The following PKD1L3 variants were observed in gnomAD, a reference collection of about 807,000 sequenced individuals.
The protein encoded by PKD1L3 is polycystin 1 like 3, transient receptor potential channel interacting.
PKD1L3 carries 239 observed loss-of-function variants against 184.1 expected under a neutral mutation model. That is an observed-to-expected ratio of 1.30 (90% CI 1.17 to 1.45). PKD1L3 has a LOEUF of 1.45. Ranked by LOEUF, PKD1L3 falls within the 40% of genes most tolerant of loss-of-function variation. The probability of loss-of-function intolerance (pLI) is 0.00; values close to 1 mark genes in which losing one functional copy is unlikely to be tolerated. For missense variants in PKD1L3, 2,660 were observed against 2,067.2 expected (o/e 1.29, Z -5.56); for synonymous variants, 996 against 778.8 (o/e 1.28, Z -4.64).
chr16:71,963,123 C>T (rs2039345270), intron 16 of PKD1L3, 82 bp downstream of exon 16: 4 of 1,318,132 alleles, frequency 3.0e-6, no homozygotes, highest in South Asian at 1.7e-5. Flanking sequence ...TGTTAATTTG[C>T]ATTAAAAACA....
At position 71,963,363 on chromosome 16, in the gene PKD1L3, T is replaced by C. The variant is rs899194839; in HGVS notation, c.2466-12A>G. ...CCTGGCTGACATACCTATAGTAAAA[T>C]GAAGATAACCACATTAGGGAGATGG... On this transcript the variant is annotated splice_polypyrimidine_tract_variant and intron_variant, in intron 15 of 29. Coordinates refer to ENST00000620267, the MANE Select transcript of PKD1L3 (RefSeq NM_181536.2). 8.4e-6 allele frequency: 13 copies of C among 1,542,846 alleles called. No individual in the cohort carries two copies. The highest frequency in any genetic ancestry group is 1.1e-5 in the Non-Finnish European group (12 of 1,142,232).
chr16:71,953,590 G>A (rs968448248), intron 17 of PKD1L3, among the ~76,000 whole-genome samples: 13 of 152,214 alleles, frequency 8.5e-5, no homozygotes, highest in South Asian at 4.1e-4. Context: ...CAGGGGAACT[G>A]CCACACACTT....
chr16:71,992,534 A>G (rs556843843), intron 3 of PKD1L3, among the ~76,000 whole-genome samples: 2 of 152,346 alleles, frequency 1.3e-5, no homozygotes, highest in African/African-American at 4.8e-5. Flanking sequence ...CAGTTTTCCA[A>G]AATATGTCAT....
chr16:71,987,888 C>T (rs1027121025), intron 4 of PKD1L3, among the ~76,000 whole-genome samples: 1 of 152,046 alleles, frequency 6.6e-6, no homozygotes, highest in Non-Finnish European at 1.5e-5. Context: ...GTGCAAAGGC[C>T]CCCAAGCCCA....
At chr16:71,934,186 C>T in intron 26 of PKD1L3, 61 bp from the exon 27 acceptor site, 1 of 1,484,254 alleles carries the variant, frequency 6.7e-7, no homozygotes, top group Non-Finnish European at 9.2e-7. Flanking sequence ...TGCAGTTTCC[C>T]CAGCGCCCCT....
intron 12 of PKD1L3, among the ~76,000 whole-genome samples, chr16:71,970,481 AG>A (rs1187976701): frequency 2.0e-4 from 30 of 152,216 alleles, no homozygotes; most frequent in African/African-American, 6.8e-4. Flanking sequence ...AAGTAAGCAG[AG>A]GCAAACTGAT....
chr16:71,988,753 C>T (rs76719467), intron 4 of PKD1L3, among the ~76,000 whole-genome samples: 1 of 152,072 alleles, frequency 6.6e-6, no homozygotes, highest in Non-Finnish European at 1.5e-5. Flanking sequence ...TTATTGAGTC[C>T]AAGTTTTATG....
rs760401669 is a variant in PKD1L3, at chr16:71,978,390, A to C, written c.1399-7T>G. On this transcript the variant is annotated splice_polypyrimidine_tract_variant and splice_region_variant and intron_variant, in intron 9 of 29. Transcript: ENST00000620267. ...TGAAAGCTAGTCCTGTTATCTAAAG[A>C]CAAAGAGAAGCCCAGTTTTATCCAT... 50 of 1,546,592 alleles carry C rather than the reference A, an allele frequency of 3.2e-5. No homozygotes were observed. Among genetic ancestry groups the C allele is most frequent in the Middle Eastern group, 3.4e-4 (2 of 5,962 alleles).
intron 26 of PKD1L3, 146 bp downstream of exon 26, chr16:71,935,212 G>A: frequency 3.6e-6 from 3 of 827,586 alleles, no homozygotes; most frequent in Non-Finnish European, 5.5e-6. Context: ...TGTCTTCTCT[G>A]CTGTGGACAT....
chr16:71,935,365 G>A lies in PKD1L3; in HGVS notation c.4606C>T (p.Gln1536Ter). The A allele has an allele frequency of 1.3e-6, 2 of 1,551,416 alleles. No homozygotes were observed. Among genetic ancestry groups the A allele is most frequent in the Non-Finnish European group, 1.7e-6 (2 of 1,146,834 alleles). ...CCTCAGGCTTCCTCTCACCTGTCCTGGTCATCGCGGTATCGTGCCATGTTT... is the reference window on the plus strand; with the variant it reads ...CCTCAGGCTTCCTCTCACCTGTCCTAGTCATCGCGGTATCGTGCCATGTTT... ...KKNMARYRDDQDRFISFYEAV... is the reference protein window; with the variant it reads ...KKNMARYRDD The change falls in exon 26 of 30, where the codon CAG becomes TAG. Residue 1536 changes from glutamine to a stop codon, truncating the protein, a stop_gained. Transcript: ENST00000620267. LOFTEE classifies it high-confidence loss of function.
chr16:71,949,842 A>G lies in PKD1L3; in HGVS notation c.3559T>C (p.Trp1187Arg). 1.3e-6 allele frequency: 2 copies of G among 1,551,594 alleles called. No homozygotes were observed. Among genetic ancestry groups the G allele is most frequent in the Non-Finnish European group, 1.7e-6 (2 of 1,146,984 alleles). The change falls in exon 21 of 30, where the codon TGG becomes CGG. Residue 1187 changes from tryptophan to arginine, a missense_variant. Trp to Arg is a moderately radical substitution (Grantham distance 101). Transcript: ENST00000620267. Reference sequence around the variant, plus strand: ...ACTGATAAAATAATTGAAATCATCCAGCTGGTGGCTTGGTCTTTGCTCAAT... The same window carrying G: ...ACTGATAAAATAATTGAAATCATCCGGCTGGTGGCTTGGTCTTTGCTCAAT... ...LELSKDQATS[W>R]MISIILSVLQ...
intron 16 of PKD1L3, among the ~76,000 whole-genome samples, chr16:71,962,164 T>C (rs1298576672): frequency 6.6e-6 from 1 of 152,092 alleles, no homozygotes; most frequent in Non-Finnish European, 1.5e-5. Flanking sequence ...CCTCAAGTGA[T>C]TTGTCCACCT....
chr16:71,964,789 G>T (rs374692641), intron 15 of PKD1L3, among the ~76,000 whole-genome samples: 193 of 151,498 alleles, frequency 1.3e-3, no homozygotes, highest in African/African-American at 4.6e-3. Context: ...TTATAGAATA[G>T]TTAGCCTTTT....
chr16:71,929,697 AAG>A lies in PKD1L3; in HGVS notation c.5059-21_5059-20del, dbSNP rs1381745738. 3 of 1,514,318 alleles carry A rather than the reference AAG, an allele frequency of 2.0e-6. No homozygotes were observed. The African/African-American group carries it at 4.2e-5, about 21-fold the overall frequency. 93.8% of individuals were successfully genotyped at this position (1,514,318 alleles called of 1,614,324 possible). A position where few individuals can be genotyped will look rare whatever the true frequency, so the allele number is the denominator to read the frequency against. ...CTTCTTTCTGAGTATTGAAGACAAA[AAG>A]AGAAAAGTGAGAAAATTGAAATTAC... is the stretch of plus-strand genomic sequence containing the variant. On this transcript the variant is annotated intron_variant, in intron 29 of 29. Coordinates refer to ENST00000620267, the MANE Select transcript of PKD1L3 (RefSeq NM_181536.2).
intron 24 of PKD1L3, among the ~76,000 whole-genome samples, chr16:71,941,497 G>A (rs2038358864): frequency 6.6e-6 from 1 of 151,076 alleles, no homozygotes; most frequent in Non-Finnish European, 1.5e-5. Flanking sequence ...AGAAAAAATG[G>A]AGAAGAAATT....
rs368273838 is a variant in PKD1L3 at position 71,931,518 on chromosome 16, G to A, written c.4927-1335C>T. Among the ~76,000 whole-genome samples the A allele has an allele frequency of 2.9e-5, 4 of 137,822 alleles. No homozygotes were observed. In the East Asian group the frequency reaches 6.5e-4, roughly 22 times the overall value. 90.4% of individuals were successfully genotyped at this position (137,822 alleles called of 152,430 possible). ...GTCTTGCTCTCACCCCGGCTGGAGTGCAGTGGCGTGATCTTGGCTCACTGC... is the reference window on the plus strand; with the variant it reads ...GTCTTGCTCTCACCCCGGCTGGAGTACAGTGGCGTGATCTTGGCTCACTGC... On this transcript the variant is annotated intron_variant, in intron 28 of 29. Transcript: ENST00000620267.
At chr16:71,963,076 A>G (rs2039343525) in intron 16 of PKD1L3, 129 bp downstream of exon 16, 2 of 1,002,572 alleles carry the variant, frequency 2.0e-6, no homozygotes, top group Middle Eastern at 3.3e-4. Flanking sequence ...CCACAACAGT[A>G]ATGCTTATGT....
intron 28 of PKD1L3, 60 bp downstream of exon 28, chr16:71,933,357 ACCC>A (rs770322675): frequency 4.0e-6 from 5 of 1,251,028 alleles, no homozygotes; most frequent in Non-Finnish European, 4.6e-6. Context: ...TTTCATAAGG[ACCC>A]CCCCAATTTT....
At chr16:71,964,605 C>T (rs1007758072) in intron 15 of PKD1L3, among the ~76,000 whole-genome samples, 1 of 151,842 alleles carries the variant, frequency 6.6e-6, no homozygotes, top group Non-Finnish European at 1.5e-5. Flanking sequence ...TCCCAAAGTG[C>T]TGGGATCACA....
Sources: gnomAD v4.1 joint callset for allele counts (sites outside exome capture counted in the v4.1 genomes callset) on GRCh38, gnomAD v4.1.1 for gene constraint, MANE v1.5 for transcripts, NCBI Gene and HGNC (gene_info 2026-07-23, HGNC 2026-07-21) for gene names.